The following GDAP1 variants were observed in gnomAD, a reference collection of about 807,000 sequenced individuals.
GDAP1 encodes the protein ganglioside induced differentiation associated protein 1, also known as ganglioside-induced differentiation-associated protein 1.
Under a neutral mutation model 40.1 loss-of-function variants are expected in GDAP1, and 34 were observed. The ratio of observed to expected loss-of-function variants is 0.85; its 90% confidence interval spans 0.64 to 1.13. The LOEUF is 1.13. GDAP1 is among the 50% of genes most tolerant of loss of function. The pLI, the probability that GDAP1 is intolerant of heterozygous loss-of-function variation, is 0.00. For synonymous variants in GDAP1, 170 were observed against 157.4 expected (o/e 1.08, Z -0.60); for missense variants, 374 against 433.7 (o/e 0.86, Z 1.22).
chr8:74,368,601 T>C (rs2131529563), downstream of GDAP1, among the ~76,000 whole-genome samples: 1 of 152,294 alleles, frequency 6.6e-6, no homozygotes, highest in South Asian at 2.1e-4. Context: ...ACATGAGTCC[T>C]ATCAGAGGGC....
chr8:74,439,337 A>C (rs1455993036), intron 2 of GDAP1, among the ~76,000 whole-genome samples: 1 of 152,050 alleles, frequency 6.6e-6, no homozygotes, highest in African/African-American at 2.4e-5. Context: ...GTGGAAGACC[A>C]ATTAATTTAG....
Position 74,364,170 on chromosome 8 carries a change from G to A in GDAP1, c.880G>A (p.Gly294Arg), listed in dbSNP as rs976792279. ...GAGAAAAACATTTAACAAGGTTTTA[G>A]GACATGTCAACAATATATTAATCTC... ...LKRKTFNKVL[G>R]HVNNILISAV... The change falls in exon 6 of 6, where the codon GGA becomes AGA. Residue 294 changes from glycine (G) to arginine (R), a missense_variant. Physicochemically the swap from Gly to Arg is moderately radical, Grantham distance 125. Coordinates refer to ENST00000220822, the MANE Select transcript of GDAP1 (RefSeq NM_018972.4). The A allele has an allele frequency of 6.2e-7, 1 of 1,614,060 alleles. No individual in the cohort carries two copies. The highest frequency in any genetic ancestry group is 1.1e-5 in the South Asian group (1 of 91,084).
At chr8:74,381,125 G>T (rs1294702472) in intron 2 of GDAP1, among the ~76,000 whole-genome samples, 1 of 151,886 alleles carries the variant, frequency 6.6e-6, no homozygotes, top group African/African-American at 2.4e-5. Flanking sequence ...ATAAATGAGT[G>T]TATTCATAGT....
chr8:74,438,887 C>A (rs1806125591), intron 2 of GDAP1, among the ~76,000 whole-genome samples: 1 of 152,152 alleles, frequency 6.6e-6, no homozygotes, highest in South Asian at 2.1e-4. Flanking sequence ...CAGGCATGAG[C>A]CACTGGGTGC....
chr8:74,436,076 C>G (rs1268884097), intron 2 of GDAP1, among the ~76,000 whole-genome samples: 1 of 152,144 alleles, frequency 6.6e-6, no homozygotes, highest in Non-Finnish European at 1.5e-5. Flanking sequence ...TTCATCTGAC[C>G]CATGCCATGG....
chr8:74,416,279 T>A (rs894512899), intron 2 of GDAP1, among the ~76,000 whole-genome samples: 1 of 150,072 alleles, frequency 6.7e-6, no homozygotes, highest in African/African-American at 2.5e-5. Context: ...ACAGAAACTT[T>A]TGGGAGCTCT....
chr8:74,464,875 T>C (rs918430136), intron 2 of GDAP1, among the ~76,000 whole-genome samples: 1 of 152,188 alleles, frequency 6.6e-6, no homozygotes, highest in Non-Finnish European at 1.5e-5. Context: ...ATTTAAGATA[T>C]CACCTTTTAA....
intron 2 of GDAP1, among the ~76,000 whole-genome samples, chr8:74,480,075 G>A (rs1410903662): frequency 6.9e-6 from 1 of 145,418 alleles, no homozygotes; most frequent in African/African-American, 2.6e-5. Flanking sequence ...TGCAACCTCT[G>A]CCTCCCAGGT....
chr8:74,383,176 C>A (rs530834488), intron 2 of GDAP1, among the ~76,000 whole-genome samples: 2 of 152,284 alleles, frequency 1.3e-5, no homozygotes, highest in Admixed American at 6.5e-5. Flanking sequence ...TAAACACATC[C>A]AAATTCAGAT....
At position 74,374,355 on chromosome 8, in the gene GDAP1, C is replaced by G. The variant is rs925068898; in HGVS notation, c.165+23034C>G. Among the ~76,000 whole-genome samples, 5 of 151,968 alleles carry G rather than the reference C, an allele frequency of 3.3e-5. 1 individual carries two copies. The highest frequency in any genetic ancestry group is 9.7e-5 in the African/African-American group (4 of 41,396). On this transcript the variant is annotated intron_variant, in intron 2 of 2. Coordinates refer to the GDAP1 transcript ENST00000523640. The stretch of plus-strand genomic sequence containing the variant: ...TGGTACCAGCTCTTCCTTGTACCTC[C>G]GGTAGAATGGGAAATTTATAGCTTT...
At chr8:74,423,569 A>G (rs905086052) in intron 2 of GDAP1, among the ~76,000 whole-genome samples, 1 of 151,842 alleles carries the variant, frequency 6.6e-6, no homozygotes, top group African/African-American at 2.4e-5. Flanking sequence ...TCCCATTTTC[A>G]TAAACCTAAT....
chr8:74,381,113 T>C (rs539693749), intron 2 of GDAP1, among the ~76,000 whole-genome samples: 1 of 152,054 alleles, frequency 6.6e-6, no homozygotes, highest in Non-Finnish European at 1.5e-5. Context: ...TGTGTGGTGA[T>C]GATAAATGAG....
chr8:74,439,050 GTGTGTGTA>G (rs1175885055), intron 2 of GDAP1, among the ~76,000 whole-genome samples: 2 of 151,830 alleles, frequency 1.3e-5, no homozygotes, highest in Non-Finnish European at 2.9e-5. Context: ...GTGTGTGTGT[GTGTGTGTA>G]TATAACTTTT....
At chr8:74,403,626 G>A (rs936419814) in intron 2 of GDAP1, among the ~76,000 whole-genome samples, 1 of 150,258 alleles carries the variant, frequency 6.7e-6, no homozygotes, top group Non-Finnish European at 1.5e-5. Context: ...AAAAGTATAT[G>A]GATTATGGTC....
intron 2 of GDAP1, among the ~76,000 whole-genome samples, chr8:74,378,437 T>C (rs1809894845): frequency 6.6e-6 from 1 of 152,138 alleles, no homozygotes. Flanking sequence ...TGAGAAAATA[T>C]TGGGAAACAC....
downstream of GDAP1, among the ~76,000 whole-genome samples, chr8:74,369,992 G>C (rs911072713): frequency 2.0e-5 from 3 of 152,128 alleles, no homozygotes; most frequent in African/African-American, 7.2e-5. Flanking sequence ...TTAAAAACTT[G>C]GGTTTTAAAG....
intron 2 of GDAP1, among the ~76,000 whole-genome samples, chr8:74,407,922 AT>A (rs760770335): frequency 6.7e-6 from 1 of 148,582 alleles, no homozygotes; most frequent in Non-Finnish European, 1.5e-5. Flanking sequence ...TCTTCTTTTA[AT>A]TTTTTTTTCA....
chr8:74,428,775 G>T (rs2131563646), intron 2 of GDAP1, among the ~76,000 whole-genome samples: 1 of 148,738 alleles, frequency 6.7e-6, no homozygotes, highest in Admixed American at 6.8e-5. Flanking sequence ...AGCCACCCAT[G>T]CCTGGCCCAG....
chr8:74,485,676 C>T (rs533700307), intron 2 of GDAP1, among the ~76,000 whole-genome samples: 2 of 152,028 alleles, frequency 1.3e-5, no homozygotes, highest in East Asian at 3.9e-4. Flanking sequence ...CAGAGAGAGG[C>T]TTGGTCTTCC....
Sources: gnomAD v4.1 joint callset for allele counts (sites outside exome capture counted in the v4.1 genomes callset) on GRCh38, gnomAD v4.1.1 for gene constraint, MANE v1.5 for transcripts, NCBI Gene and HGNC (gene_info 2026-07-23, HGNC 2026-07-21) for gene names.